Variants in PICK1 observed in about 807,000 individuals in gnomAD.
PICK1 encodes the protein PRKCA-binding protein.
Under a neutral mutation model 48.9 loss-of-function variants are expected in PICK1, and 23 were observed. The ratio of observed to expected loss-of-function variants is 0.47; its 90% CI spans 0.34 to 0.67. The LOEUF (loss-of-function observed/expected upper bound fraction) is 0.67, where lower values mean the gene tolerates loss of function less well. PICK1 is among the 30% of genes least tolerant of loss of function. The pLI is 0.01. For synonymous variants in PICK1, 217 were observed against 228.2 expected (o/e 0.95, Z 0.44); for missense variants, 423 against 557.1 (o/e 0.76, Z 2.42).
chr22:38,067,658 A>G, intron 4 of PICK1, 46 bp from the exon 5 acceptor site: 1 of 1,546,602 alleles, frequency 6.5e-7, no homozygotes, highest in East Asian at 2.2e-5. Flanking sequence ...GAAGGGGCTC[A>G]GGGTGTGGAG....
At chr22:38,069,185 G>C (rs1322446004) in intron 6 of PICK1, 63 bp downstream of exon 6, 3 of 1,195,968 alleles carry the variant, frequency 2.5e-6, no homozygotes, top group African/African-American at 1.5e-5. Context: ...AAGAGTGGGG[G>C]GCACCATGGC....
chr22:38,064,552 G>A (rs563811169), intron 3 of PICK1, among the ~76,000 whole-genome samples: 3 of 151,880 alleles, frequency 2.0e-5, no homozygotes, highest in Admixed American at 2.0e-4. Context: ...ACCTGAGGTC[G>A]GGAGTTTGAG....
Position 38,071,648 on chromosome 22 carries a change from G to A in PICK1, c.494-34G>A, listed in dbSNP as rs201606911. ...TGGGCCAGTGTGGTCCCCGCCATGC[G>A]TCCCCATTCCGCATCACTCGGTCTC... On this transcript the variant is annotated intron_variant, in intron 7 of 12. Coordinates refer to ENST00000356976, the MANE Select transcript of PICK1 (RefSeq NM_012407.4). 139 of 1,600,896 alleles carry A rather than the reference G, an allele frequency of 8.7e-5. 1 individual carries two copies. The East Asian group carries it at 1.4e-3, about 16-fold the overall frequency.
chr22:38,062,214 C>G (rs2085419149), intron 3 of PICK1, among the ~76,000 whole-genome samples: 1 of 147,374 alleles, frequency 6.8e-6, no homozygotes, highest in Non-Finnish European at 1.5e-5. Context: ...TTTGCACTCT[C>G]CTTGTTTTCT....
chr22:38,074,595 T>G lies in PICK1; in HGVS notation c.979+144T>G. On this transcript the variant is annotated intron_variant, in intron 12 of 12. Coordinates refer to ENST00000356976, the MANE Select transcript of PICK1 (RefSeq NM_012407.4). This position sits in a 1 kb window ranked among gnomAD's most constrained non-coding sequence, Gnocchi z 4.5. ...CCATCTGCCCAGAGCCTGGCCTGGG[T>G]GGAGCTGGCCTGTGCGCGTGGGCTC... 1 of 1,234,494 alleles carries G rather than the reference T, an allele frequency of 8.1e-7. No homozygotes were observed. The highest frequency in any genetic ancestry group is 1.2e-6 in the Non-Finnish European group (1 of 861,676). The allele number at this position is 1,234,494 out of a possible 1,614,324, so 76.5% of individuals were successfully genotyped here. A position where few individuals can be genotyped will look rare whatever the true frequency, so the allele number is the denominator to read the frequency against.
In PICK1 at chr22:38,074,000, G is replaced by T. The variant is rs918884229; in HGVS notation, c.834+177G>T. The T allele has an allele frequency of 2.9e-6, 2 of 680,948 alleles. No individual in the cohort carries two copies. Among genetic ancestry groups the T allele is most frequent in the Non-Finnish European group, 5.1e-6 (2 of 392,400 alleles). 42.2% of individuals were successfully genotyped at this position (680,948 alleles called of 1,614,324 possible). ...TGGGCCTCGGGGTGCTGGGCACCCG[G>T]CCGGGAACCACTCCCTCAGTCTGGG... On this transcript the variant is annotated intron_variant, in intron 11 of 12. Coordinates refer to ENST00000356976, the MANE Select transcript of PICK1 (RefSeq NM_012407.4). This position sits in a 1 kb window ranked among gnomAD's most constrained non-coding sequence, Gnocchi z 5.7.
chr22:38,071,632 G>A, intron 7 of PICK1, 50 bp from the exon 8 acceptor site: 1 of 1,545,616 alleles, frequency 6.5e-7, no homozygotes, highest in South Asian at 1.1e-5. Flanking sequence ...CTGGGCCAGT[G>A]TGGTCCCCGC....
chr22:38,068,180 C>A (rs1055446974), intron 5 of PICK1: 5 of 460,354 alleles, frequency 1.1e-5, no homozygotes, highest in African/African-American at 1.0e-4. Flanking sequence ...TCCTCCCTGG[C>A]CTCTCCTGCC....
Position 38,071,004 on chromosome 22 carries a change from A to T in PICK1, c.493+113A>T, listed in dbSNP as rs886741453. The T allele has an allele frequency of 3.7e-6, 3 of 821,070 alleles. No individual in the cohort carries two copies. In the African/African-American group the frequency reaches 5.0e-5, roughly 14 times the overall value. The allele number at this position is 821,070 out of a possible 1,614,324, so 50.9% of individuals were successfully genotyped here. A position where few individuals can be genotyped will look rare whatever the true frequency, so the allele number is the denominator to read the frequency against. On this transcript the variant is annotated intron_variant, in intron 7 of 12. Coordinates refer to ENST00000356976, the MANE Select transcript of PICK1 (RefSeq NM_012407.4). ...GAATGCCAGCCTACAAAATACTAGG[A>T]CCATGGGCATTAAGAGTTCTTAAGA... is the stretch of plus-strand genomic sequence containing the variant.
chr22:38,069,919 T>C (rs1208978901), intron 6 of PICK1, among the ~76,000 whole-genome samples: 1 of 152,198 alleles, frequency 6.6e-6, no homozygotes, highest in Non-Finnish European at 1.5e-5. Context: ...AAATAGGGTT[T>C]CTAAAATTGA....
At chr22:38,068,362 A>G (rs1444856602) in intron 5 of PICK1, among the ~76,000 whole-genome samples, 5 of 152,300 alleles carry the variant, frequency 3.3e-5, no homozygotes, top group East Asian at 1.9e-4. Flanking sequence ...GCCGCTTCAC[A>G]TTATGGATCA....
chr22:38,071,994 G>A (rs2085708585), intron 8 of PICK1: 1 of 564,338 alleles, frequency 1.8e-6, no homozygotes, highest in South Asian at 2.0e-5. Context: ...CAAGGCCCTT[G>A]CTTATTTATA....
At chr22:38,063,637 C>A (rs559890039) in intron 3 of PICK1, among the ~76,000 whole-genome samples, 1 of 148,772 alleles carries the variant, frequency 6.7e-6, no homozygotes, top group East Asian at 2.0e-4. Flanking sequence ...CTTCTCTTCT[C>A]TGTTCTTTTT....
chr22:38,072,681 G>A (rs1396981273), intron 9 of PICK1, 71 bp downstream of exon 9: 1 of 1,588,550 alleles, frequency 6.3e-7, no homozygotes. Context: ...ATGCAGAGAA[G>A]GTCGTATGCT....
chr22:38,065,518 G>A (rs1044807482), intron 4 of PICK1, among the ~76,000 whole-genome samples: 1 of 152,136 alleles, frequency 6.6e-6, no homozygotes, highest in Non-Finnish European at 1.5e-5. Context: ...TGTCAGCCGG[G>A]TCACGCTGGG....
At position 38,063,151 on chromosome 22, in the gene PICK1, A is replaced by G. The variant is rs555987498; in HGVS notation, c.154-1851A>G. Among the ~76,000 whole-genome samples, 259 of 148,378 alleles carry G rather than the reference A, an allele frequency of 1.7e-3. 4 individuals carry two copies. Among genetic ancestry groups the G allele is most frequent in the Non-Finnish European group, 5.1e-4 (34 of 67,168 alleles). On this transcript the variant is annotated intron_variant, in intron 3 of 12. Coordinates refer to ENST00000356976, the MANE Select transcript of PICK1 (RefSeq NM_012407.4). ...CTATTTTTTTATTGTGGTAAAATTT[A>G]CCATCTTAACTTTTTTTTTTTTTGA...
chr22:38,066,107 C>T lies in PICK1; in HGVS notation c.282+977C>T, dbSNP rs956149609. ...TCCCATCCTGCACATTCTCCTATTC[C>T]AGCCCCTTTAGCCATAGGACAAATC... On this transcript the variant is annotated intron_variant, in intron 4 of 12. Transcript: ENST00000356976. This position sits in a 1 kb window ranked among gnomAD's most constrained non-coding sequence, Gnocchi z 4.1. 2.0e-5 allele frequency among the ~76,000 whole-genome samples: 3 copies of T among 152,200 alleles called. No individual in the cohort carries two copies. Among genetic ancestry groups the T allele is most frequent in the Admixed American group, 6.5e-5 (1 of 15,282 alleles).
At chr22:38,061,611 C>T (rs1163429858) in intron 3 of PICK1, among the ~76,000 whole-genome samples, 1 of 152,136 alleles carries the variant, frequency 6.6e-6, no homozygotes. Flanking sequence ...CTTGATTTCC[C>T]CAGACTCAGA....
In PICK1 at chr22:38,073,912, C is replaced by CG; in HGVS notation, c.834+95dup. On this transcript the variant is annotated intron_variant, in intron 11 of 12. Transcript: ENST00000356976. This position sits in a 1 kb window ranked among gnomAD's most constrained non-coding sequence, Gnocchi z 5.7. The stretch of plus-strand genomic sequence containing the variant: ...TGGCTCAGGCCAACCCGGGAGAGAC[C>CG]GGGGGGACTTGGCTGGACTCTCGTT... 2.3e-6 allele frequency: 3 copies of CG among 1,302,296 alleles called. No homozygotes were observed. Among genetic ancestry groups the CG allele is most frequent in the Admixed American group, 3.4e-5 (2 of 59,116 alleles). The allele number at this position is 1,302,296 out of a possible 1,614,324, so 80.7% of individuals were successfully genotyped here.
Sources: gnomAD v4.1 joint callset for allele counts (sites outside exome capture counted in the v4.1 genomes callset) on GRCh38, gnomAD v4.1.1 for gene constraint, Gnocchi (gnomAD v3.1) non-coding constraint, MANE v1.5 for transcripts, NCBI Gene and HGNC (gene_info 2026-07-23, HGNC 2026-07-21) for gene names.